The following ANGEL1 variants were observed in gnomAD, a reference collection of about 807,000 sequenced individuals.
ANGEL1 encodes RNA 2',3'-cyclic phosphatase ANGEL1.
Under a neutral mutation model 76.4 loss-of-function variants are expected in ANGEL1, and 62 were observed. The observed-to-expected ratio is 0.81, with a 90% CI of 0.66 to 1.00. The LOEUF (loss-of-function observed/expected upper bound fraction) is 1.00, where lower values mean the gene tolerates loss of function less well. ANGEL1 is among the 50% of genes least tolerant of loss of function. The pLI, the probability that ANGEL1 is intolerant of heterozygous loss-of-function variation, is 0.00. For missense variants in ANGEL1, 737 were observed against 836.7 expected, an observed-to-expected ratio of 0.88 and a Z score of 1.47; for synonymous variants, 340 against 331.7, an observed-to-expected ratio of 1.03 and a Z score of -0.27.
At chr14:76,789,426 C>T (rs374792804) in intron 9 of ANGEL1, 38 bp from the exon 10 acceptor site, 20 of 1,610,192 alleles carry the variant, frequency 1.2e-5, no homozygotes, top group African/African-American at 2.7e-5. Context: ...TAAAAGCAGC[C>T]GCAGCCACAC....
At chr14:76,789,571 T>C (rs559065137) in intron 9 of ANGEL1, among the ~76,000 whole-genome samples, 183 bp from the exon 10 acceptor site, 1 of 152,148 alleles carries the variant, frequency 6.6e-6, no homozygotes, top group African/African-American at 2.4e-5. Context: ...TACTCCATAA[T>C]ATCATCAACG....
intron 7 of ANGEL1, among the ~76,000 whole-genome samples, chr14:76,792,744 C>T (rs1894443961): frequency 6.6e-6 from 1 of 152,118 alleles, no homozygotes; most frequent in South Asian, 2.1e-4. Context: ...AAAACTTTCT[C>T]AATCTGATAA....
intron 1 of ANGEL1, chr14:76,812,475 A>G: frequency 8.3e-7 from 1 of 1,204,844 alleles, no homozygotes. Flanking sequence ...CAGGGCCAGG[A>G]AAGGGCCCTG....
At chr14:76,799,337 A>AGGCTGGAG (rs1235710109) in intron 7 of ANGEL1, among the ~76,000 whole-genome samples, 1 of 103,378 alleles carries the variant, frequency 9.7e-6, no homozygotes, top group Non-Finnish European at 1.8e-5. Context: ...TCTGTCGCCC[A>AGGCTGGAG]GGCTGGAGTA....
intron 3 of ANGEL1, 47 bp downstream of exon 3, chr14:76,807,875 C>G: frequency 6.3e-7 from 1 of 1,598,486 alleles, no homozygotes; most frequent in South Asian, 1.1e-5. Flanking sequence ...GGGCAACAGC[C>G]CAGGTCCAGC....
chr14:76,806,930 T>C lies in ANGEL1; in HGVS notation c.947-81A>G, dbSNP rs1467407882. 13 of 1,428,152 alleles carry C rather than the reference T, an allele frequency of 9.1e-6. No homozygotes were observed. The Admixed American group carries it at 1.9e-4, about 21-fold the overall frequency. The allele number at this position is 1,428,152 out of a possible 1,614,324, so 88.5% of individuals were successfully genotyped here. The stretch of plus-strand genomic sequence containing the variant: ...TTCCAACCAGCACCAGCAGTCCCAG[T>C]GTATGCCCCTGAGGCATTGTTCCTG... On this transcript the variant is annotated intron_variant, in intron 4 of 9. Coordinates refer to ENST00000251089, the MANE Select transcript of ANGEL1 (RefSeq NM_015305.4).
Position 76,809,405 on chromosome 14 carries a change from C to T in ANGEL1, c.303G>A (p.Glu101=). 6.2e-7 allele frequency: 1 copy of T among 1,614,264 alleles called. No individual in the cohort carries two copies. Among genetic ancestry groups the T allele is most frequent in the Non-Finnish European group, 8.5e-7 (1 of 1,180,050 alleles). ...LALLMDNPGE[E]NAASEDRWSS... Reference sequence around the variant, plus strand: ...ACCACCTGTCCTCTGAAGCAGCATTCTCTTCTCCAGGATTATCCATCAGAA... The same window carrying T: ...ACCACCTGTCCTCTGAAGCAGCATTTTCTTCTCCAGGATTATCCATCAGAA... The change falls in exon 2 of 10, where the codon GAG becomes GAA. Residue 101 remains glutamate, a synonymous_variant. Transcript: ENST00000251089.
At chr14:76,799,872 C>T (rs1321807497) in intron 7 of ANGEL1, among the ~76,000 whole-genome samples, 1 of 149,112 alleles carries the variant, frequency 6.7e-6, no homozygotes, top group African/African-American at 2.5e-5. Flanking sequence ...TACCACTGCA[C>T]TCCAGCCTGG....
At chr14:76,799,782 T>C (rs1033794153) in intron 7 of ANGEL1, among the ~76,000 whole-genome samples, 2 of 151,760 alleles carry the variant, frequency 1.3e-5, no homozygotes, top group Non-Finnish European at 1.5e-5. Context: ...CATGTGCCTA[T>C]AGTCCCAGCT....
chr14:76,807,076 T>C (rs920587136), intron 4 of ANGEL1, among the ~76,000 whole-genome samples: 6 of 152,192 alleles, frequency 3.9e-5, no homozygotes, highest in African/African-American at 9.7e-5. Flanking sequence ...TGTAACATGA[T>C]AGAAAAGAGC....
intron 7 of ANGEL1, among the ~76,000 whole-genome samples, chr14:76,793,803 T>C (rs1419290241): frequency 6.6e-6 from 1 of 151,978 alleles, no homozygotes; most frequent in Non-Finnish European, 1.5e-5. Flanking sequence ...TTCCTAAACA[T>C]ACCTATGATA....
chr14:76,797,133 T>C (rs1304840936), intron 7 of ANGEL1, among the ~76,000 whole-genome samples: 5 of 152,222 alleles, frequency 3.3e-5, no homozygotes, highest in African/African-American at 7.2e-5. Context: ...CATTCAGCAA[T>C]AGTAGCAGCC....
At chr14:76,797,869 AT>A (rs539594615) in intron 7 of ANGEL1, among the ~76,000 whole-genome samples, 1 of 152,256 alleles carries the variant, frequency 6.6e-6, no homozygotes, top group African/African-American at 2.4e-5. Flanking sequence ...AAACACAGTA[AT>A]TCCTTTTAAT....
intron 3 of ANGEL1, 82 bp from the exon 4 acceptor site, chr14:76,807,584 G>T: frequency 1.4e-6 from 2 of 1,396,600 alleles, no homozygotes; most frequent in South Asian, 1.2e-5. Flanking sequence ...CTGAGGCCAG[G>T]TGGGAAGCTG....
Position 76,803,472 on chromosome 14 carries a change from T to C in ANGEL1, c.1517A>G (p.Lys506Arg), listed in dbSNP as rs1430984992. 1.9e-6 allele frequency: 3 copies of C among 1,614,046 alleles called. No homozygotes were observed. The highest frequency in any genetic ancestry group is 2.7e-5 in the African/African-American group (2 of 74,930). ...ACGTAGCAGGAAGTCTCGGCCATAC[T>C]TGCGTCTCTCTGTAAACCAGGAAAA... The part of the protein sequence containing the change: ...SCHPKRSERR[K>R]YGRDFLLRFR... The change falls in exon 7 of 10, where the codon AAG becomes AGG. Residue 506 changes from lysine to arginine, a missense_variant. Transcript: ENST00000251089.
At chr14:76,803,548 T>G in intron 6 of ANGEL1, 67 bp from the exon 7 acceptor site, 1 of 1,504,328 alleles carries the variant, frequency 6.6e-7, no homozygotes, top group Non-Finnish European at 9.2e-7. Context: ...ACCTCCTTAG[T>G]ACCAAGCAAC....
Position 76,809,105 on chromosome 14 carries a change from C to T in ANGEL1, c.603G>A (p.Glu201=). 6.2e-7 allele frequency: 1 copy of T among 1,614,144 alleles called. No individual in the cohort carries two copies. The highest frequency in any genetic ancestry group is 8.5e-7 in the Non-Finnish European group (1 of 1,179,994). The stretch of plus-strand genomic sequence containing the variant: ...CGGGAGGCTGCAACTGCCCCAGGCC[C>T]TCAAAGGGCCAGATGGAAGCCTCTT... The part of the protein sequence containing the change: ...PQEEASIWPF[E]GLGQLQPPAV... The change falls in exon 2 of 10, where the codon GAG becomes GAA. Residue 201 remains glutamate (E), a synonymous_variant. Coordinates refer to ENST00000251089, the MANE Select transcript of ANGEL1 (RefSeq NM_015305.4).
chr14:76,792,124 A>C (rs1480759523), intron 7 of ANGEL1, among the ~76,000 whole-genome samples: 2 of 152,242 alleles, frequency 1.3e-5, no homozygotes, highest in African/African-American at 4.8e-5. Flanking sequence ...AATGCTATAA[A>C]TAACTGGATA....
At chr14:76,803,155 C>A (rs1281644385) in intron 7 of ANGEL1, among the ~76,000 whole-genome samples, 1 of 152,244 alleles carries the variant, frequency 6.6e-6, no homozygotes, top group Admixed American at 6.5e-5. Flanking sequence ...AAGCTAGTTA[C>A]AACCCAGGTG....
Sources: allele counts gnomAD v4.1 joint callset (sites outside exome capture counted in the v4.1 genomes callset), GRCh38; gene constraint gnomAD v4.1.1; transcripts MANE v1.5; gene names NCBI Gene and HGNC (gene_info 2026-07-23, HGNC 2026-07-21).